CNTN1: variants seen among roughly 807,000 people sequenced by gnomAD.
CNTN1 encodes contactin-1.
CNTN1 carries 38 observed loss-of-function variants against 126.4 expected under a neutral mutation model. The ratio of observed to expected loss-of-function variants is 0.30; its 90% confidence interval spans 0.23 to 0.39. The LOEUF is 0.39. Among genes scored for constraint, CNTN1 ranks in the 10% least tolerant of loss-of-function variants. CNTN1 has a pLI of 1.00. For synonymous variants in CNTN1, 413 were observed against 422.6 expected (o/e 0.98, Z 0.28); for missense variants, 1,009 against 1,248.4 (o/e 0.81, Z 2.89).
intron 1 of CNTN1, among the ~76,000 whole-genome samples, chr12:40,886,314 C>T (rs186281328): frequency 5.9e-4 from 90 of 152,192 alleles, no homozygotes; most frequent in Non-Finnish European, 1.0e-3. Context: ...TGTTTTAAAT[C>T]TATTCCCATG....
At chr12:41,004,713 T>C (rs1418894468) in intron 17 of CNTN1, among the ~76,000 whole-genome samples, 2 of 152,244 alleles carry the variant, frequency 1.3e-5, no homozygotes, top group Non-Finnish European at 2.9e-5. Flanking sequence ...TTTATCTTTA[T>C]TGGTTAAAAG....
intron 23 of CNTN1, among the ~76,000 whole-genome samples, chr12:41,038,683 G>A (rs997838969): frequency 1.3e-5 from 2 of 151,986 alleles, no homozygotes; most frequent in Admixed American, 6.6e-5. Context: ...AAATAGTGTG[G>A]GTGAAAGTCT....
chr12:40,725,401 CAAAAAAAAAAA>C lies in CNTN1; in HGVS notation c.-77+32821_-77+32831del, dbSNP rs34242859. Among the ~76,000 whole-genome samples, 4 of 45,328 alleles carry C rather than the reference CAAAAAAAAAAA, an allele frequency of 8.8e-5. No individual in the cohort carries two copies. The East Asian group carries it at 2.9e-3, about 33-fold the overall frequency. The allele number at this position is 45,328 out of a possible 152,430, so 29.7% of individuals were successfully genotyped here. A position where few individuals can be genotyped will look rare whatever the true frequency, so the allele number is the denominator to read the frequency against. The stretch of plus-strand genomic sequence containing the variant: ...GGGCAACAAAAGTGAAACTCTGTCT[CAAAAAAAAAAA>C]AAAAAAAAAAAGGAAAGAAAAAAAA... On this transcript the variant is annotated intron_variant, in intron 1 of 23. Transcript: ENST00000551295.
At chr12:40,867,521 A>G (rs1943338982) in intron 1 of CNTN1, among the ~76,000 whole-genome samples, 1 of 152,210 alleles carries the variant, frequency 6.6e-6, no homozygotes, top group African/African-American at 2.4e-5. Flanking sequence ...AACAATAAGT[A>G]TGTGAGGTAA....
chr12:40,887,001 T>A (rs1944059499), intron 1 of CNTN1, among the ~76,000 whole-genome samples: 1 of 152,222 alleles, frequency 6.6e-6, no homozygotes, highest in African/African-American at 2.4e-5. Flanking sequence ...TCAGGTAGCG[T>A]GATGCCTCTG....
intron 1 of CNTN1, among the ~76,000 whole-genome samples, chr12:40,737,361 A>ATATATC (rs1330868492): frequency 1.5e-5 from 2 of 135,096 alleles, no homozygotes; most frequent in East Asian, 4.3e-4. Context: ...GTGTGTGTGT[A>ATATATC]TATATATATA....
intron 17 of CNTN1, among the ~76,000 whole-genome samples, chr12:41,001,449 TG>T (rs972555350): frequency 4.6e-5 from 7 of 152,140 alleles, no homozygotes; most frequent in African/African-American, 1.7e-4. Context: ...TTAATGGGGT[TG>T]TTTTTTCTTG....
chr12:40,999,226 T>C (rs1447461750), intron 17 of CNTN1, among the ~76,000 whole-genome samples: 1 of 152,166 alleles, frequency 6.6e-6, no homozygotes, highest in African/African-American at 2.4e-5. Flanking sequence ...TACTATTAAA[T>C]AGAAATTAAG....
chr12:40,829,991 G>A (rs956152174), intron 1 of CNTN1, among the ~76,000 whole-genome samples: 1 of 152,132 alleles, frequency 6.6e-6, no homozygotes, highest in African/African-American at 2.4e-5. Flanking sequence ...GACAGTAGGA[G>A]AATAAAAGCT....
chr12:40,755,758 G>C (rs1938586475), intron 1 of CNTN1, among the ~76,000 whole-genome samples: 1 of 151,992 alleles, frequency 6.6e-6, no homozygotes, highest in African/African-American at 2.4e-5. Context: ...GAGTAGGTGA[G>C]AGGGATAAGA....
intron 1 of CNTN1, among the ~76,000 whole-genome samples, chr12:40,874,470 G>A (rs890816069): frequency 2.0e-5 from 3 of 152,038 alleles, no homozygotes; most frequent in Non-Finnish European, 4.4e-5. Flanking sequence ...TTATAGATGT[G>A]TATATTATTT....
chr12:40,835,943 T>C (rs1942033245), intron 1 of CNTN1, among the ~76,000 whole-genome samples: 1 of 151,464 alleles, frequency 6.6e-6, no homozygotes, highest in Non-Finnish European at 1.5e-5. Context: ...GATATGAACC[T>C]TTTCATCAGA....
intron 1 of CNTN1, among the ~76,000 whole-genome samples, chr12:40,872,850 G>A (rs180800501): frequency 4.9e-4 from 74 of 152,036 alleles, no homozygotes; most frequent in Admixed American, 3.3e-3. Context: ...GTGAACCACC[G>A]TGTCCAGCTG....
chr12:41,034,328 G>A (rs1171255898), intron 23 of CNTN1, among the ~76,000 whole-genome samples: 1 of 152,130 alleles, frequency 6.6e-6, no homozygotes, highest in Non-Finnish European at 1.5e-5. Flanking sequence ...TAAACACTGT[G>A]ATGGAAAACA....
At chr12:40,934,989 A>T (rs1946030498) in intron 9 of CNTN1, among the ~76,000 whole-genome samples, 2 of 151,884 alleles carry the variant, frequency 1.3e-5, no homozygotes, top group African/African-American at 4.8e-5. Context: ...TTCATTCTCC[A>T]TTGCCTTTCA....
At chr12:40,899,441 A>G (rs1944529812) in intron 1 of CNTN1, among the ~76,000 whole-genome samples, 1 of 152,218 alleles carries the variant, frequency 6.6e-6, no homozygotes, top group Non-Finnish European at 1.5e-5. Flanking sequence ...ATGATATGGC[A>G]AAATGAATCA....
chr12:40,735,551 C>G (rs531459062), intron 1 of CNTN1, among the ~76,000 whole-genome samples: 71 of 152,092 alleles, frequency 4.7e-4, no homozygotes, highest in Admixed American at 1.7e-3. Context: ...TAAGGGAATC[C>G]TAACTGTGAG....
At chr12:40,971,403 C>T (rs1377076791) in intron 15 of CNTN1, 1 of 1,577,692 alleles carries the variant, frequency 6.3e-7, no homozygotes, top group Non-Finnish European at 8.6e-7. Context: ...CATCCACACT[C>T]TCCCTTCAGC....
intron 1 of CNTN1, among the ~76,000 whole-genome samples, chr12:40,771,431 C>A (rs1162352928): frequency 7.2e-5 from 11 of 151,890 alleles, no homozygotes; most frequent in Admixed American, 7.2e-4. Flanking sequence ...TTATTTATTT[C>A]TTTTATAATG....
Sources: gnomAD v4.1 joint callset for allele counts (sites outside exome capture counted in the v4.1 genomes callset) on GRCh38, gnomAD v4.1.1 for gene constraint, MANE v1.5 for transcripts, NCBI Gene and HGNC (gene_info 2026-07-23, HGNC 2026-07-21) for gene names.